The following ADH7 variants were observed in gnomAD, a reference collection of about 807,000 sequenced individuals.
ADH7 encodes the protein all-trans-retinol dehydrogenase [NAD(+)] ADH7.
A neutral mutation model predicts 34.4 loss-of-function variants in ADH7; 41 were observed. The observed-to-expected ratio is 1.19, with a 90% CI of 0.93 to 1.55. The LOEUF is 1.55. Ranked by LOEUF, ADH7 falls within the 40% of genes most tolerant of loss-of-function variation. The pLI, the probability that ADH7 is intolerant of heterozygous loss-of-function variation, is 0.00. For synonymous variants in ADH7, 180 were observed against 160.9 expected, an observed-to-expected ratio of 1.12 and a Z score of -0.90; for missense variants, 540 against 461.2, an observed-to-expected ratio of 1.17 and a Z score of -1.56.
rs1202057600 is a variant in ADH7, at chr4:99,415,567, T to C, written c.1011A>G (p.Ala337=). 4.1e-5 allele frequency: 66 copies of C among 1,613,572 alleles called. No homozygotes were observed. The highest frequency in any genetic ancestry group is 5.4e-5 in the Non-Finnish European group (64 of 1,179,734). ...TCAACTGGTCCAGGTCAAATTTCTTTGCCAGGAACTCAGTCACTAGTTTTG... is the reference window on the plus strand; with the variant it reads ...TCAACTGGTCCAGGTCAAATTTCTTCGCCAGGAACTCAGTCACTAGTTTTG... ...DVPKLVTEFL[A]KKFDLDQLIT... Residue 337 remains alanine, a synonymous_variant, in exon 8 of 9, where the codon GCA becomes GCG. Transcript: ENST00000437033.
chr4:99,433,205 A>C (rs989571980), intron 1 of ADH7, among the ~76,000 whole-genome samples: 3 of 152,252 alleles, frequency 2.0e-5, no homozygotes, highest in Non-Finnish European at 2.9e-5. Flanking sequence ...ATGTCATCAC[A>C]GCACTATTTA....
chr4:99,420,161 C>T (rs905218435), intron 6 of ADH7, among the ~76,000 whole-genome samples: 13 of 152,184 alleles, frequency 8.5e-5, no homozygotes, highest in African/African-American at 2.9e-4. Context: ...AATCCCTTTT[C>T]ACCTCTCCTC....
Position 99,412,878 on chromosome 4 carries a change from C to T in ADH7, c.*270G>A. ...AAAATCTCCATTTCAACATAGAAAT[C>T]CAAGTGTATGTTTTCTTAAAAGATA... On this transcript the variant is annotated 3_prime_UTR_variant, in exon 9 of 9. Transcript: ENST00000437033. 2.8e-6 allele frequency: 1 copy of T among 352,356 alleles called. No individual in the cohort carries two copies. Among genetic ancestry groups the T allele is most frequent in the Non-Finnish European group, 5.1e-6 (1 of 196,544 alleles). The allele number at this position is 352,356 out of a possible 1,614,324, so 21.8% of individuals were successfully genotyped here.
chr4:99,423,132 T>G (rs1200189686), intron 5 of ADH7, among the ~76,000 whole-genome samples: 1 of 149,682 alleles, frequency 6.7e-6, no homozygotes, highest in African/African-American at 2.5e-5. Flanking sequence ...GCGGTGTTTG[T>G]TTTTTTGTCC....
At chr4:99,417,332 A>G (rs1259768083) in intron 7 of ADH7, among the ~76,000 whole-genome samples, 1 of 152,102 alleles carries the variant, frequency 6.6e-6, no homozygotes, top group Non-Finnish European at 1.5e-5. Flanking sequence ...ACTCTGTTGT[A>G]GCCATACTGA....
chr4:99,435,043 A>G (rs370757238), intron 1 of ADH7, 173 bp downstream of exon 1: 98 of 1,543,442 alleles, frequency 6.3e-5, no homozygotes, highest in Non-Finnish European at 8.4e-5. Flanking sequence ...TTCCACTGAC[A>G]TTCTCTGAAA....
At chr4:99,429,671 T>C (rs753329855) in intron 1 of ADH7, 38 bp from the exon 2 acceptor site, 2 of 1,454,970 alleles carry the variant, frequency 1.4e-6, no homozygotes, top group Non-Finnish European at 1.9e-6. Flanking sequence ...GTCTGAATTA[T>C]GCCTTTAACT....
chr4:99,416,146 T>G (rs1052030633), intron 7 of ADH7, among the ~76,000 whole-genome samples: 1 of 151,982 alleles, frequency 6.6e-6, no homozygotes, highest in African/African-American at 2.4e-5. Context: ...AAATAAAAAT[T>G]AAATTAAATT....
Position 99,427,856 on chromosome 4 carries a change from C to T in ADH7, c.481G>A (p.Asp161Asn). 6.2e-7 allele frequency: 1 copy of T among 1,613,096 alleles called. No individual in the cohort carries two copies. Among genetic ancestry groups the T allele is most frequent in the Non-Finnish European group, 8.5e-7 (1 of 1,179,470 alleles). The change falls in exon 5 of 9, where the codon GAT becomes AAT. Residue 161 changes from aspartate to asparagine, a missense_variant. Asp to Asn is a conservative substitution (Grantham distance 23, BLOSUM62 1). Coordinates refer to ENST00000437033, the MANE Select transcript of ADH7 (RefSeq NM_000673.7). ...ACTTTCTCAGGAGGAGCTGCATCAT[C>T]AATCTTAGCAACAGAAGATTCATCC... ...VVDESSVAKI[D>N]DAAPPEKVCL...
At chr4:99,415,456 G>A (rs373136544) in intron 8 of ADH7, 22 bp downstream of exon 8, 32 of 1,605,586 alleles carry the variant, frequency 2.0e-5, no homozygotes, top group Non-Finnish European at 2.4e-5. Flanking sequence ...GAAGAGACAA[G>A]ATCATCATAA....
chr4:99,417,840 G>T (rs924629744), intron 7 of ADH7, among the ~76,000 whole-genome samples: 1 of 152,114 alleles, frequency 6.6e-6, no homozygotes, highest in African/African-American at 2.4e-5. Flanking sequence ...AAGCAAGGAG[G>T]TTCAACTTCT....
chr4:99,420,573 A>C lies in ADH7; in HGVS notation c.785T>G (p.Val262Gly). ...CCCAATAACTTCAAAGGTGTATCCC[A>C]CGTTGTTGCCTGTCATTTCTGACAG... ...EVLSEMTGNN[V>G]GYTFEVIGHL... Residue 262 changes from valine to glycine, a missense_variant, in exon 6 of 9, where the codon GTG (valine) becomes GGG (glycine). Transcript: ENST00000437033. 6.2e-7 allele frequency: 1 copy of C among 1,613,960 alleles called. No homozygotes were observed. Among genetic ancestry groups the C allele is most frequent in the Admixed American group, 1.7e-5 (1 of 59,948 alleles).
intron 7 of ADH7, chr4:99,415,900 C>T (rs1045625653): frequency 1.1e-4 from 22 of 203,252 alleles, no homozygotes; most frequent in Non-Finnish European, 2.1e-4. Context: ...CACGTTCTCA[C>T]TCGTAAGTGG....
rs1302602015 is a variant in ADH7, at chr4:99,419,048, A to G, written c.899T>C (p.Met300Thr). 2.5e-6 allele frequency: 4 copies of G among 1,613,760 alleles called. No homozygotes were observed. The highest frequency in any genetic ancestry group is 2.7e-5 in the African/African-American group (2 of 74,904). ...VVVGVPPSAK[M>T]LTYDPMLLFT... ...GAGCAACATCGGGTCATAGGTGAGC[A>G]TCTTGGCTGATGGAGGAACTCCTAC... is the stretch of plus-strand genomic sequence containing the variant. The change falls in exon 7 of 9, where the codon ATG becomes ACG. Residue 300 changes from methionine (M) to threonine (T), a missense_variant. Coordinates refer to ENST00000437033, the MANE Select transcript of ADH7 (RefSeq NM_000673.7).
At position 99,429,539 on chromosome 4, in the gene ADH7, C is replaced by T. The variant is rs148026590; in HGVS notation, c.113G>A (p.Arg38His). Residue 38 changes from arginine (R) to histidine (H), a missense_variant, in exon 2 of 9, where the codon CGC (arginine) becomes CAC (histidine). Physicochemically the swap from Arg to His is conservative, Grantham distance 29 (BLOSUM62 0). Transcript: ENST00000437033. ...EVAPPKTKEVRIKILATGICR... is the reference protein window; with the variant it reads ...EVAPPKTKEVHIKILATGICR... ...TCTAGGGCTCACGCTTACCTTAATG[C>T]GAACTTCTTTAGTCTTTGGTGGGGC... 2.3e-4 allele frequency: 363 copies of T among 1,610,322 alleles called. 2 individuals are homozygous for T. In the African/African-American group the frequency reaches 4.2e-3, roughly 18 times the overall value.
intron 5 of ADH7, among the ~76,000 whole-genome samples, chr4:99,427,448 G>T (rs1286354647): frequency 1.3e-5 from 2 of 152,036 alleles, no homozygotes; most frequent in South Asian, 2.1e-4. Flanking sequence ...CTGACAAAAA[G>T]CCTCTGCTGT....
chr4:99,412,316 T>C lies in ADH7; in HGVS notation c.*832A>G, dbSNP rs1721426590. On this transcript the variant is annotated 3_prime_UTR_variant, in exon 9 of 9. Coordinates refer to ENST00000437033, the MANE Select transcript of ADH7 (RefSeq NM_000673.7). The stretch of plus-strand genomic sequence containing the variant: ...ATTTTTAACATGTTATAGATATATA[T>C]AGATACATCAGTGTAGTTGTTAAAA... The C allele has an allele frequency of 6.6e-6, 1 of 152,160 alleles. No homozygotes were observed. The highest frequency in any genetic ancestry group is 2.4e-5 in the African/African-American group (1 of 41,458). 9.4% of individuals were successfully genotyped at this position (152,160 alleles called of 1,614,324 possible).
chr4:99,420,129 A>C (rs1323946670), intron 6 of ADH7, among the ~76,000 whole-genome samples: 3 of 152,138 alleles, frequency 2.0e-5, no homozygotes, highest in Admixed American at 6.5e-5. Flanking sequence ...GATTTGGGGG[A>C]ATAGACCACA....
At chr4:99,433,921 G>A (rs993491641) in intron 1 of ADH7, among the ~76,000 whole-genome samples, 1 of 152,030 alleles carries the variant, frequency 6.6e-6, no homozygotes, top group Non-Finnish European at 1.5e-5. Flanking sequence ...TTATTATAAA[G>A]AGAAAAAATC....
Sources: allele counts gnomAD v4.1 joint callset (sites outside exome capture counted in the v4.1 genomes callset), GRCh38; gene constraint gnomAD v4.1.1; transcripts MANE v1.5; gene names NCBI Gene and HGNC (gene_info 2026-07-23, HGNC 2026-07-21).